The following DDR2 variants were observed in gnomAD, a reference collection of about 807,000 sequenced individuals.
DDR2 encodes the protein discoidin domain receptor tyrosine kinase 2.
A neutral mutation model predicts 94.9 loss-of-function variants in DDR2; 27 were observed. The ratio of observed to expected loss-of-function variants is 0.28; its 90% CI spans 0.21 to 0.39. DDR2 has a LOEUF of 0.39. DDR2 is among the 10% of genes least tolerant of loss of function. The pLI is 1.00. For synonymous variants in DDR2, 382 were observed against 377.2 expected, an observed-to-expected ratio of 1.01 and a Z score of -0.15; for missense variants, 783 against 1,076.0, an observed-to-expected ratio of 0.73 and a Z score of 3.81.
At chr1:162,686,722 G>A (rs1242713305) in intron 2 of DDR2, among the ~76,000 whole-genome samples, 2 of 152,080 alleles carry the variant, frequency 1.3e-5, no homozygotes, top group African/African-American at 4.8e-5. Flanking sequence ...TAATCCTTTC[G>A]ATATATACCC....
At chr1:162,727,420 A>T (rs1298332153) in intron 3 of DDR2, among the ~76,000 whole-genome samples, 1 of 145,288 alleles carries the variant, frequency 6.9e-6, no homozygotes, top group Non-Finnish European at 1.5e-5. Context: ...ATGTAAGTAT[A>T]TTTATGTATG....
At chr1:162,714,434 G>A (rs1416219918) in intron 2 of DDR2, among the ~76,000 whole-genome samples, 3 of 152,070 alleles carry the variant, frequency 2.0e-5, no homozygotes, top group East Asian at 3.9e-4. Context: ...ATTTTTGTGA[G>A]GTGTAGATAT....
At chr1:162,744,225 A>G (rs1482620328) in intron 3 of DDR2, among the ~76,000 whole-genome samples, 6 of 152,210 alleles carry the variant, frequency 3.9e-5, no homozygotes, top group Non-Finnish European at 2.9e-5. Flanking sequence ...CGTTAAGTAT[A>G]GGCACAATGT....
chr1:162,718,957 C>T, intron 2 of DDR2, 80 bp from the exon 3 acceptor site: 1 of 1,342,504 alleles, frequency 7.4e-7, no homozygotes. Flanking sequence ...GAGAATTGTA[C>T]TCATTCATGT....
intron 3 of DDR2, among the ~76,000 whole-genome samples, chr1:162,720,342 T>C (rs1571240326): frequency 6.6e-6 from 1 of 152,282 alleles, no homozygotes; most frequent in East Asian, 1.9e-4. Context: ...AGGTAGCCAT[T>C]ATCCTGCTTT....
chr1:162,776,112 C>A (rs773524383), intron 15 of DDR2, 24 bp from the exon 16 acceptor site: 2 of 1,589,788 alleles, frequency 1.3e-6, no homozygotes, highest in Admixed American at 1.7e-5. Flanking sequence ...AGGCTACCTT[C>A]TGTCTTCTTG....
intron 1 of DDR2, among the ~76,000 whole-genome samples, chr1:162,645,652 C>T (rs1198556162): frequency 2.6e-5 from 4 of 152,058 alleles, no homozygotes; most frequent in Non-Finnish European, 4.4e-5. Flanking sequence ...CAAAGCATGC[C>T]TGTTAGTGTA....
At chr1:162,711,463 T>A (rs1458901674) in intron 2 of DDR2, among the ~76,000 whole-genome samples, 1 of 152,226 alleles carries the variant, frequency 6.6e-6, no homozygotes, top group East Asian at 1.9e-4. Context: ...AGGCATTTCT[T>A]AAAGTGGGAT....
intron 1 of DDR2, among the ~76,000 whole-genome samples, chr1:162,653,997 G>A (rs758287183): frequency 2.0e-5 from 3 of 152,132 alleles, no homozygotes; most frequent in Non-Finnish European, 2.9e-5. Context: ...TTGTTATAGA[G>A]AGTTATATCC....
chr1:162,679,544 G>GTCTA lies in DDR2; in HGVS notation c.-28+24171_-28+24174dup, dbSNP rs529546322. On this transcript the variant is annotated intron_variant, in intron 2 of 17. Transcript: ENST00000367921. ...GTATGTACTATGTTTTCTTTATTCA[G>GTCTA]TCTACCATTAATGGGCATTTAGTTT... 2.7e-3 allele frequency among the ~76,000 whole-genome samples: 405 copies of GTCTA among 152,218 alleles called. 1 individual carries two copies. The highest frequency in any genetic ancestry group is 0.02 in the Middle Eastern group (6 of 294).
chr1:162,751,230 T>A (rs1397770268), intron 3 of DDR2, among the ~76,000 whole-genome samples: 1 of 151,850 alleles, frequency 6.6e-6, no homozygotes, highest in Non-Finnish European at 1.5e-5. Context: ...TAGGAGAAAA[T>A]TTTTGCAATG....
At chr1:162,652,171 G>A (rs1657725860) in intron 1 of DDR2, among the ~76,000 whole-genome samples, 1 of 152,228 alleles carries the variant, frequency 6.6e-6, no homozygotes, top group Non-Finnish European at 1.5e-5. Context: ...AATGGAGGAT[G>A]TAATTGCAGG....
intron 1 of DDR2, among the ~76,000 whole-genome samples, chr1:162,638,340 A>C (rs767819359): frequency 2.6e-5 from 4 of 152,178 alleles, no homozygotes; most frequent in Non-Finnish European, 5.9e-5. Flanking sequence ...ACTTCTTATC[A>C]TCACCATTGT....
At chr1:162,710,640 CA>C (rs1660863470) in intron 2 of DDR2, among the ~76,000 whole-genome samples, 1 of 152,040 alleles carries the variant, frequency 6.6e-6, no homozygotes, top group Non-Finnish European at 1.5e-5. Flanking sequence ...AGAGGAAAAA[CA>C]AGATTTAAAT....
At chr1:162,638,568 CTTTGTAAA>C (rs1377053819) in intron 1 of DDR2, among the ~76,000 whole-genome samples, 1 of 152,122 alleles carries the variant, frequency 6.6e-6, no homozygotes, top group Non-Finnish European at 1.5e-5. Flanking sequence ...ACTACTTGGG[CTTTGTAAA>C]AGAAAATCGC....
At chr1:162,736,493 T>G (rs1662306783) in intron 3 of DDR2, among the ~76,000 whole-genome samples, 1 of 152,228 alleles carries the variant, frequency 6.6e-6, no homozygotes, top group African/African-American at 2.4e-5. Context: ...GCCTTTGCAG[T>G]TAAAACTTAC....
At position 162,769,133 on chromosome 1, in the gene DDR2, C is replaced by T. The variant is rs535798019; in HGVS notation, c.1294-1169C>T. On this transcript the variant is annotated intron_variant, in intron 11 of 17. Transcript: ENST00000367921. ...ACTTCTCTGAGTCTTTATTCTGAGGCCTGTTGGAATATCTTCATGGGCTAA... is the reference window on the plus strand; with the variant it reads ...ACTTCTCTGAGTCTTTATTCTGAGGTCTGTTGGAATATCTTCATGGGCTAA... Among the ~76,000 whole-genome samples the T allele has an allele frequency of 2.0e-5, 3 of 152,264 alleles. No homozygotes were observed. The South Asian group carries it at 6.2e-4, about 32-fold the overall frequency.
intron 3 of DDR2, chr1:162,741,452 A>G (rs1162776390): frequency 2.7e-6 from 1 of 364,648 alleles, no homozygotes; most frequent in Admixed American, 6.5e-5. Context: ...GATTTGAGAT[A>G]CTCAACCTGT....
chr1:162,648,381 AGGGTGGTGGGATATTTGCCTTGG>A (rs1214481493), intron 1 of DDR2, among the ~76,000 whole-genome samples: 1 of 152,156 alleles, frequency 6.6e-6, no homozygotes, highest in Non-Finnish European at 1.5e-5. Context: ...ACAGGAGCCT[AGGGTGGTGGGATATTTGCCTTGG>A]GGAGCATGGG....
Sources: allele counts gnomAD v4.1 joint callset (sites outside exome capture counted in the v4.1 genomes callset), GRCh38; gene constraint gnomAD v4.1.1; transcripts MANE v1.5; gene names NCBI Gene and HGNC (gene_info 2026-07-23, HGNC 2026-07-21).